LRFN5: variants seen among roughly 807,000 people sequenced by gnomAD.
The protein encoded by LRFN5 is leucine-rich repeat and fibronectin type-III domain-containing protein 5.
A neutral mutation model predicts 45.6 loss-of-function variants in LRFN5; 24 were observed. The observed-to-expected ratio is 0.53, with a 90% CI of 0.38 to 0.74. The LOEUF is 0.74. Among genes scored for constraint, LRFN5 ranks in the 30% least tolerant of loss-of-function variants. The pLI is 0.00. For synonymous variants in LRFN5, 340 were observed against 313.8 expected (o/e 1.08, Z -0.88); for missense variants, 776 against 861.5 (o/e 0.90, Z 1.24).
At chr14:41,868,348 G>A (rs57572843) in intron 2 of LRFN5, among the ~76,000 whole-genome samples, 3,271 of 152,184 alleles carry the variant, frequency 0.021, 43 homozygotes, top group African/African-American at 0.035. Flanking sequence ...AAAAGTTACC[G>A]TATTGAGTAG....
intron 2 of LRFN5, among the ~76,000 whole-genome samples, chr14:41,863,533 T>C (rs1323022853): frequency 6.6e-6 from 1 of 152,202 alleles, no homozygotes; most frequent in East Asian, 1.9e-4. Flanking sequence ...GACCCATGGG[T>C]TATTTAGAGT....
At chr14:41,614,244 A>C (rs1032371881) in intron 1 of LRFN5, among the ~76,000 whole-genome samples, 2 of 152,116 alleles carry the variant, frequency 1.3e-5, no homozygotes, top group Non-Finnish European at 2.9e-5. Context: ...ATTGAACACT[A>C]CATGAGTAGT....
chr14:41,892,198 T>C, intron 4 of LRFN5: 1 of 985,216 alleles, frequency 1.0e-6, no homozygotes, highest in Non-Finnish European at 1.2e-6. Context: ...TAATTTATAA[T>C]TTCTTTTTCA....
At chr14:41,707,608 CT>C (rs376279465) in intron 1 of LRFN5, among the ~76,000 whole-genome samples, 224 of 152,168 alleles carry the variant, frequency 1.5e-3, no homozygotes, top group Non-Finnish European at 2.6e-3. Flanking sequence ...CTAAAATATA[CT>C]TCTGGACTTT....
intron 2 of LRFN5, among the ~76,000 whole-genome samples, chr14:41,880,084 C>T (rs1316343757): frequency 1.3e-5 from 2 of 151,472 alleles, no homozygotes; most frequent in Admixed American, 6.6e-5. Flanking sequence ...CCCACCATCA[C>T]GCCGGGATAA....
Position 41,904,173 on chromosome 14 carries a change from T to G in LRFN5, c.2158T>G (p.Ter720GlyextTer20). The G allele has an allele frequency of 6.2e-7, 1 of 1,608,002 alleles. No homozygotes were observed. Among genetic ancestry groups the G allele is most frequent in the Non-Finnish European group, 8.5e-7 (1 of 1,178,260 alleles). Residue 720 changes from the stop codon to glycine (G), a stop_lost, in exon 6 of 6, where the codon TGA (stop) becomes GGA (glycine). Transcript: ENST00000298119. ...TTCATTTCAGAGGCTGGAGTTAATCTGAAGAGCACCACTTCTCCTCTCTCT... is the reference window on the plus strand; with the variant it reads ...TTCATTTCAGAGGCTGGAGTTAATCGGAAGAGCACCACTTCTCCTCTCTCT... ...VQETQRLELI[*>G]
intron 2 of LRFN5, among the ~76,000 whole-genome samples, chr14:41,884,410 A>G (rs1594494431): frequency 6.6e-6 from 1 of 152,290 alleles, no homozygotes; most frequent in East Asian, 1.9e-4. Flanking sequence ...AACTAGATCA[A>G]CATTTCATAT....
intron 1 of LRFN5, among the ~76,000 whole-genome samples, chr14:41,702,949 C>T (rs534636748): frequency 6.6e-6 from 1 of 152,164 alleles, no homozygotes; most frequent in South Asian, 2.1e-4. Flanking sequence ...TTACCTGTAT[C>T]TTTTAAAACC....
At chr14:41,613,804 A>G (rs1040405129) in intron 1 of LRFN5, among the ~76,000 whole-genome samples, 3 of 152,044 alleles carry the variant, frequency 2.0e-5, no homozygotes, top group African/African-American at 7.2e-5. Context: ...TGGAAGCCTA[A>G]ACAATGCTGT....
At chr14:41,801,744 T>C (rs1594421531) in intron 2 of LRFN5, among the ~76,000 whole-genome samples, 1 of 152,268 alleles carries the variant, frequency 6.6e-6, no homozygotes, top group South Asian at 2.1e-4. Context: ...TTTTGAGTGA[T>C]TGGTAGTAAC....
intron 2 of LRFN5, among the ~76,000 whole-genome samples, chr14:41,878,963 T>G (rs1347921499): frequency 6.6e-6 from 1 of 152,102 alleles, no homozygotes; most frequent in African/African-American, 2.4e-5. Flanking sequence ...TATTTTTAAA[T>G]AAACTTTGAA....
intron 4 of LRFN5, chr14:41,892,208 A>G: frequency 1.0e-6 from 1 of 985,176 alleles, no homozygotes; most frequent in Non-Finnish European, 1.2e-6. Flanking sequence ...TTTCTTTTTC[A>G]TGAAAAATCA....
At chr14:41,671,432 G>GT (rs1881206411) in intron 1 of LRFN5, among the ~76,000 whole-genome samples, 1 of 151,764 alleles carries the variant, frequency 6.6e-6, no homozygotes, top group African/African-American at 2.4e-5. Context: ...ATCTTTATTT[G>GT]TTCACTCCAG....
At chr14:41,654,017 G>A (rs908107483) in intron 1 of LRFN5, among the ~76,000 whole-genome samples, 9 of 152,024 alleles carry the variant, frequency 5.9e-5, no homozygotes, top group African/African-American at 2.2e-4. Flanking sequence ...TTGGGCACAG[G>A]AAGGGGAACA....
rs774201650 is a variant in LRFN5 at position 41,886,829 on chromosome 14, G to A, written c.204G>A (p.Arg68=). The change falls in exon 3 of 6, where the codon AGG becomes AGA. Residue 68 remains arginine (R), a synonymous_variant. Coordinates refer to ENST00000298119, the MANE Select transcript of LRFN5 (RefSeq NM_152447.5). ...ACAATTTTGTTACAAATATTAAAAG[G>A]AAAGATTTTGCCAATATGACCAGCT... ...LADNFVTNIK[R]KDFANMTSLV... 1 of 1,614,006 alleles carries A rather than the reference G, an allele frequency of 6.2e-7. No individual in the cohort carries two copies. Among genetic ancestry groups the A allele is most frequent in the Non-Finnish European group, 8.5e-7 (1 of 1,179,974 alleles).
At chr14:41,719,115 T>C (rs1399723249) in intron 1 of LRFN5, among the ~76,000 whole-genome samples, 1 of 152,132 alleles carries the variant, frequency 6.6e-6, no homozygotes, top group Non-Finnish European at 1.5e-5. Flanking sequence ...TGTCAGTCAT[T>C]AGAATCTTTG....
At chr14:41,873,112 C>A (rs965194022) in intron 2 of LRFN5, among the ~76,000 whole-genome samples, 3 of 152,090 alleles carry the variant, frequency 2.0e-5, no homozygotes, top group African/African-American at 7.2e-5. Context: ...GCAGTAATGA[C>A]GGCTGCTGCA....
intron 2 of LRFN5, among the ~76,000 whole-genome samples, chr14:41,879,319 A>C (rs564016267): frequency 6.6e-6 from 1 of 152,142 alleles, no homozygotes; most frequent in South Asian, 2.1e-4. Flanking sequence ...TTTGGAGCAA[A>C]TATTTAGAAA....
intron 2 of LRFN5, among the ~76,000 whole-genome samples, chr14:41,835,126 AC>A (rs1254284712): frequency 6.6e-6 from 1 of 152,188 alleles, no homozygotes; most frequent in Non-Finnish European, 1.5e-5. Flanking sequence ...AAAAGCAAAA[AC>A]AAAGTGAGGT....
Sources: allele counts gnomAD v4.1 joint callset (sites outside exome capture counted in the v4.1 genomes callset), GRCh38; gene constraint gnomAD v4.1.1; transcripts MANE v1.5; gene names NCBI Gene and HGNC (gene_info 2026-07-23, HGNC 2026-07-21).